TTC7A: variants seen among roughly 807,000 people sequenced by gnomAD.
The protein encoded by TTC7A is tetratricopeptide repeat protein 7A.
TTC7A carries 110 observed loss-of-function variants against 103.7 expected under a neutral mutation model. That is an observed-to-expected ratio of 1.06 (90% CI 0.91 to 1.24). TTC7A has a LOEUF of 1.24. TTC7A is among the 50% of genes most tolerant of loss of function. The pLI, the probability that TTC7A is intolerant of heterozygous loss-of-function variation, is 0.00. For missense variants in TTC7A, 1,340 were observed against 1,116.3 expected (o/e 1.20, Z -2.86); for synonymous variants, 521 against 467.9 (o/e 1.11, Z -1.47).
rs374367961 is a variant in TTC7A at position 46,995,176 on chromosome 2, C to G, written c.1042C>G (p.Leu348Val). The change falls in exon 8 of 20, where the codon CTC becomes GTC. Residue 348 changes from leucine (L) to valine (V), a missense_variant. Leu to Val is a conservative substitution (Grantham distance 32). Transcript: ENST00000319190. Reference sequence around the variant, plus strand: ...GGACAACATCGAGGAAGCCCTCCTGCTCCTCCTCATCAGCGAATCCATGGT... The same window carrying G: ...GGACAACATCGAGGAAGCCCTCCTGGTCCTCCTCATCAGCGAATCCATGGT... Reference protein sequence around the residue: ...PKDNIEEALLLLLISESMATR... With the variant: ...PKDNIEEALLVLLISESMATR... 6.8e-6 allele frequency: 11 copies of G among 1,614,064 alleles called. No individual in the cohort carries two copies. The highest frequency in any genetic ancestry group is 9.3e-6 in the Non-Finnish European group (11 of 1,180,028).
intron 15 of TTC7A, among the ~76,000 whole-genome samples, chr2:47,036,096 A>G (rs1249296593): frequency 2.6e-5 from 4 of 152,244 alleles, no homozygotes; most frequent in Non-Finnish European, 5.9e-5. Flanking sequence ...GTGTTTGGGA[A>G]GTCCTCTCAA....
intron 15 of TTC7A, among the ~76,000 whole-genome samples, chr2:47,045,067 C>T (rs1682171752): frequency 6.6e-6 from 1 of 152,218 alleles, no homozygotes; most frequent in Non-Finnish European, 1.5e-5. Flanking sequence ...TGATCAAGTG[C>T]AGGCCCTGAC....
At chr2:47,047,312 T>C in intron 16 of TTC7A, 1 of 1,549,680 alleles carries the variant, frequency 6.5e-7, no homozygotes, top group Non-Finnish European at 8.7e-7. Flanking sequence ...GAGGAACATC[T>C]GTAACAGTGA....
intron 16 of TTC7A, chr2:47,046,794 C>G: frequency 3.7e-6 from 1 of 267,820 alleles, no homozygotes; most frequent in Non-Finnish European, 7.1e-6. Flanking sequence ...AACTCAGACA[C>G]AGAGACTTTA....
chr2:46,977,448 G>A (rs115972285), intron 4 of TTC7A, among the ~76,000 whole-genome samples: 2 of 152,322 alleles, frequency 1.3e-5, no homozygotes, highest in Non-Finnish European at 2.9e-5. Flanking sequence ...AAGCCTGTCT[G>A]GTTGGGCAGG....
rs77587199 is a variant in TTC7A at position 46,994,291 on chromosome 2, G to C, written c.844-66G>C. ...GATTTAGCTGGGATGGGCAGAGGGC[G>C]TTCTAGGTCATGCTGGGGTAGAGCT... On this transcript the variant is annotated intron_variant, in intron 6 of 19. Coordinates refer to ENST00000319190, the MANE Select transcript of TTC7A (RefSeq NM_020458.4). 1.5e-4 allele frequency: 228 copies of C among 1,547,252 alleles called. No homozygotes were observed. The African/African-American group carries it at 2.8e-3, about 19-fold the overall frequency.
Position 47,024,359 on chromosome 2 carries a change from G to C in TTC7A, c.1641G>C (p.Gln547His). Residue 547 changes from glutamine (Q) to histidine (H), a missense_variant and splice_region_variant, in exon 14 of 20, where the codon CAG becomes CAC. Coordinates refer to ENST00000319190, the MANE Select transcript of TTC7A (RefSeq NM_020458.4). ...CGCTGCAGCTGGCCCTCGTCCGACA[G>C]GTGGGTTGTCCGTGTTCCTAACCCC... ...YVSLQLALVR[Q>H]ISSAMEQLQE... 1.2e-6 allele frequency: 2 copies of C among 1,605,140 alleles called. No homozygotes were observed. The highest frequency in any genetic ancestry group is 1.7e-6 in the Non-Finnish European group (2 of 1,176,036).
chr2:47,068,404 T>G (rs1007658149), intron 19 of TTC7A: 1 of 152,190 alleles, frequency 6.6e-6, no homozygotes, highest in Non-Finnish European at 1.5e-5. Context: ...GCAGGTGGCT[T>G]AGAGGGGTCT....
At chr2:47,054,804 C>T (rs1683174700) in intron 18 of TTC7A, among the ~76,000 whole-genome samples, 1 of 149,424 alleles carries the variant, frequency 6.7e-6, no homozygotes, top group Non-Finnish European at 1.5e-5. Context: ...CACTGCATGC[C>T]AGCCTGGGCA....
At chr2:47,068,865 A>C (rs1289114757) in intron 19 of TTC7A, among the ~76,000 whole-genome samples, 18 of 29,826 alleles carry the variant, frequency 6.0e-4, no homozygotes, top group Admixed American at 3.4e-3. Context: ...ATTTTTTCAA[A>C]AAAAAAAAAA....
chr2:46,927,403 C>G (rs939257440), intron 2 of TTC7A, among the ~76,000 whole-genome samples: 6 of 144,988 alleles, frequency 4.1e-5, no homozygotes, highest in Admixed American at 1.4e-4. Flanking sequence ...GTTGCCCAGG[C>G]TGGAGTGCAG....
At chr2:47,012,123 G>C (rs749267151) in intron 11 of TTC7A, among the ~76,000 whole-genome samples, 2 of 152,222 alleles carry the variant, frequency 1.3e-5, no homozygotes, top group African/African-American at 2.4e-5. Flanking sequence ...CCTTGCTGTA[G>C]TCCTCCTGCC....
intron 19 of TTC7A, among the ~76,000 whole-genome samples, chr2:47,069,299 G>T (rs1259983361): frequency 6.6e-6 from 1 of 152,172 alleles, no homozygotes; most frequent in African/African-American, 2.4e-5. Context: ...CTGGCCGCTG[G>T]TCCCTGCCCC....
chr2:47,035,421 G>A (rs1047867051), intron 15 of TTC7A: 1 of 152,242 alleles, frequency 6.6e-6, no homozygotes, highest in Non-Finnish European at 1.5e-5. Flanking sequence ...CACTGGCAGC[G>A]CCGGATCCTT....
intron 3 of TTC7A, 92 bp downstream of exon 3, chr2:46,957,099 C>A (rs2104020943): frequency 2.6e-6 from 4 of 1,525,522 alleles, no homozygotes; most frequent in Middle Eastern, 2.0e-4. Flanking sequence ...TGTCCAGATT[C>A]TTCACCCCTG....
intron 8 of TTC7A, chr2:47,000,013 T>C (rs1255869842): frequency 1.7e-6 from 1 of 586,968 alleles, no homozygotes; most frequent in African/African-American, 2.0e-5. Context: ...CTGGTTGAGC[T>C]TCTTACCACC....
At position 47,030,911 on chromosome 2, in the gene TTC7A, C is replaced by T. The variant is rs148793384; in HGVS notation, c.1802+1527C>T. ...CTATAATCCCAGCACTTTGGGAGGC[C>T]GAGGCGGGTGGATCACCTGAGGTCA... is the stretch of plus-strand genomic sequence containing the variant. On this transcript the variant is annotated intron_variant, in intron 15 of 19. Transcript: ENST00000319190. 9.6e-3 allele frequency among the ~76,000 whole-genome samples: 1,469 copies of T among 152,268 alleles called. 24 individuals carry two copies. Among genetic ancestry groups the T allele is most frequent in the African/African-American group, 0.033 (1,384 of 41,550 alleles).
At chr2:46,964,646 T>G (rs1672681764) in intron 3 of TTC7A, among the ~76,000 whole-genome samples, 1 of 152,112 alleles carries the variant, frequency 6.6e-6, no homozygotes, top group African/African-American at 2.4e-5. Context: ...ATCACCCACT[T>G]TTTTGTTGGT....
At chr2:46,916,103 T>TGGCGGATCCGGATGG (rs1668774141), upstream of TTC7A, 3 of 985,436 alleles carry the variant, frequency 3.0e-6, no homozygotes, top group Admixed American at 1.2e-4. Flanking sequence ...CGACGTAGGA[T>TGGCGGATCCGGATGG]GGCGGATCCG....
Sources: gnomAD v4.1 joint callset for allele counts (sites outside exome capture counted in the v4.1 genomes callset) on GRCh38, gnomAD v4.1.1 for gene constraint, MANE v1.5 for transcripts, NCBI Gene and HGNC (gene_info 2026-07-23, HGNC 2026-07-21) for gene names.